SPIRE2: variants seen among roughly 807,000 people sequenced by gnomAD.
The protein encoded by SPIRE2 is protein spire homolog 2.
A neutral mutation model predicts 80.7 loss-of-function variants in SPIRE2; 76 were observed. That is an observed-to-expected ratio of 0.94 (90% CI 0.78 to 1.14). SPIRE2 has a LOEUF of 1.14. SPIRE2 is among the 50% of genes most tolerant of loss of function. SPIRE2 has a pLI of 0.00. For missense variants in SPIRE2, 1,196 were observed against 1,015.3 expected, an observed-to-expected ratio of 1.18 and a Z score of -2.42; for synonymous variants, 535 against 432.6, an observed-to-expected ratio of 1.24 and a Z score of -2.94.
chr16:89,868,086 G>A (rs1305080047), intron 12 of SPIRE2, 103 bp from the exon 13 acceptor site: 7 of 1,266,730 alleles, frequency 5.5e-6, no homozygotes, highest in Non-Finnish European at 8.1e-6. Context: ...CAGAAGGCAA[G>A]GATGGTTTGA....
rs1161145983 is a variant in SPIRE2 at position 89,863,482 on chromosome 16, A to G, written c.1582A>G (p.Ser528Gly). The change falls in exon 11 of 15, where the codon AGC (serine) becomes GGC (glycine). Residue 528 changes from serine (S) to glycine (G), a missense_variant. Transcript: ENST00000378247. This position sits in a 1 kb window ranked among gnomAD's most constrained non-coding sequence, Gnocchi z 4.3. ...ACCTGAGGCCGTCCCCTAGGAGTTC[A>G]GCCACCCCGTGGAGAGCCTGGCGCT... Reference protein sequence around the residue: ...PDAKHLWLEFSHPVESLALTV... With the variant: ...PDAKHLWLEFGHPVESLALTV... 1.9e-6 allele frequency: 3 copies of G among 1,614,034 alleles called. No homozygotes were observed. The highest frequency in any genetic ancestry group is 1.1e-5 in the South Asian group (1 of 91,086).
At chr16:89,857,881 CTTT>C (rs774655599) in intron 7 of SPIRE2, among the ~76,000 whole-genome samples, 2 of 107,212 alleles carry the variant, frequency 1.9e-5, no homozygotes, top group Non-Finnish European at 1.8e-5. Context: ...AGTTCTTCTT[CTTT>C]TTTTTTTTTT....
intron 9 of SPIRE2, among the ~76,000 whole-genome samples, chr16:89,859,806 G>C (rs2041726691): frequency 2.0e-5 from 3 of 152,236 alleles, no homozygotes; most frequent in South Asian, 4.2e-4. Context: ...GCTGTGCAGG[G>C]CTGGTCCTAC....
chr16:89,835,790 C>T (rs1242258132), intron 1 of SPIRE2, among the ~76,000 whole-genome samples: 1 of 152,214 alleles, frequency 6.6e-6, no homozygotes. Flanking sequence ...CGCCTGGCTT[C>T]TCTGTCCTCC....
chr16:89,870,335 C>G lies in SPIRE2; in HGVS notation c.*63C>G. The G allele has an allele frequency of 1.0e-6, 1 of 995,604 alleles. No individual in the cohort carries two copies. Among genetic ancestry groups the G allele is most frequent in the Non-Finnish European group, 1.5e-6 (1 of 652,418 alleles). The allele number at this position is 995,604 out of a possible 1,614,324, so 61.7% of individuals were successfully genotyped here. A position where few individuals can be genotyped will look rare whatever the true frequency, so the allele number is the denominator to read the frequency against. On this transcript the variant is annotated 3_prime_UTR_variant, in exon 15 of 15. Transcript: ENST00000378247. ...AGGCCCTGTATCAGGCTAGGACGCTCTGAGCTGTGCATGTACATATATACA... is the reference window on the plus strand; with the variant it reads ...AGGCCCTGTATCAGGCTAGGACGCTGTGAGCTGTGCATGTACATATATACA...
chr16:89,834,877 C>T (rs1487691866), intron 1 of SPIRE2, among the ~76,000 whole-genome samples: 5 of 145,636 alleles, frequency 3.4e-5, no homozygotes, highest in African/African-American at 5.1e-5. Flanking sequence ...TGAACCTGCC[C>T]GCACTCGCAG....
At position 89,854,668 on chromosome 16, in the gene SPIRE2, C is replaced by G. The variant is rs566744170; in HGVS notation, c.891+17C>G. The G allele has an allele frequency of 1.2e-5, 19 of 1,605,602 alleles. No homozygotes were observed. In the South Asian group the frequency reaches 1.9e-4, roughly 16 times the overall value. ...AAGGTCATGGTGAGCGGGGCAGACG[C>G]AGAGGGGCAGCCTGGATGCAGAGGT... On this transcript the variant is annotated intron_variant, in intron 5 of 14. Transcript: ENST00000378247.
chr16:89,858,833 C>T (rs996627873), intron 8 of SPIRE2, among the ~76,000 whole-genome samples: 10 of 152,180 alleles, frequency 6.6e-5, no homozygotes, highest in Non-Finnish European at 1.3e-4. Context: ...GTGGACCCAG[C>T]GAGGCTCCCT....
At chr16:89,851,485 A>T (rs2041627347) in intron 3 of SPIRE2, among the ~76,000 whole-genome samples, 1 of 152,112 alleles carries the variant, frequency 6.6e-6, no homozygotes, top group South Asian at 2.1e-4. Context: ...TTGACAGATG[A>T]GCAAGTGCAG....
rs764492058 is a variant in SPIRE2 at position 89,863,810 on chromosome 16, G to C, written c.1727G>C (p.Arg576Pro). The C allele has an allele frequency of 1.9e-6, 3 of 1,613,902 alleles. No individual in the cohort carries two copies. The highest frequency in any genetic ancestry group is 2.5e-6 in the Non-Finnish European group (3 of 1,179,976). The change falls in exon 12 of 15, where the codon CGG (arginine) becomes CCG (proline). Residue 576 changes from arginine to proline, a missense_variant. Coordinates refer to ENST00000378247, the MANE Select transcript of SPIRE2 (RefSeq NM_032451.2). This position sits in a 1 kb window ranked among gnomAD's most constrained non-coding sequence, Gnocchi z 4.3. ...LKKGKICCCC[R>P]AKFPLFSWPP... The stretch of plus-strand genomic sequence containing the variant: ...TCCTGACAGATTTGCTGCTGCTGCC[G>C]GGCCAAGTTCCCGCTGTTCTCGTGG...
intron 1 of SPIRE2, among the ~76,000 whole-genome samples, chr16:89,837,052 A>G (rs2041456977): frequency 6.6e-6 from 1 of 152,090 alleles, no homozygotes; most frequent in Non-Finnish European, 1.5e-5. Flanking sequence ...TGCAGGCCCC[A>G]GGAATCTGTG....
Position 89,840,636 on chromosome 16 carries a change from A to T in SPIRE2, c.245-4686A>T, listed in dbSNP as rs867195006. 4.5e-3 allele frequency among the ~76,000 whole-genome samples: 522 copies of T among 116,878 alleles called. 9 individuals carry two copies. The highest frequency in any genetic ancestry group is 0.017 in the African/African-American group (495 of 28,950). 76.7% of individuals were successfully genotyped at this position (116,878 alleles called of 152,430 possible). On this transcript the variant is annotated intron_variant, in intron 1 of 14. Coordinates refer to ENST00000378247, the MANE Select transcript of SPIRE2 (RefSeq NM_032451.2). ...TTGCATAAAAATAAAAAGTTTTCAA[A>T]TTTTTTTTTTTTTTTTTTTGAGATG... is the stretch of plus-strand genomic sequence containing the variant.
In SPIRE2 at chr16:89,856,118, T is replaced by C; in HGVS notation, c.984T>C (p.Ser328=). ...GTCTCGCTTCCCCACCGCAGGTCTCTGAGAGGCGGCTGCGCCCGTTGCCAC... is the reference window on the plus strand; with the variant it reads ...GTCTCGCTTCCCCACCGCAGGTCTCCGAGAGGCGGCTGCGCCCGTTGCCAC... ...IRSRPPLKQV[S]ERRLRPLPPK... The change falls in exon 7 of 15, where the codon TCT becomes TCC. Residue 328 remains serine (S), a synonymous_variant. Coordinates refer to ENST00000378247, the MANE Select transcript of SPIRE2 (RefSeq NM_032451.2). The C allele has an allele frequency of 6.2e-7, 1 of 1,611,582 alleles. No homozygotes were observed.
chr16:89,836,304 C>G, intron 1 of SPIRE2: 1 of 455,360 alleles, frequency 2.2e-6, no homozygotes. Flanking sequence ...TCGGTACATG[C>G]TCACAGGTTC....
rs2041830021 is a variant in SPIRE2 at position 89,870,393 on chromosome 16, T to C, written c.*121T>C. ...ATACATTTATAATATATACACACAG[T>C]CTATATATTTATATACACTGTTTCC... On this transcript the variant is annotated 3_prime_UTR_variant, in exon 15 of 15. Transcript: ENST00000378247. 1.1e-5 allele frequency: 7 copies of C among 630,092 alleles called. No individual in the cohort carries two copies. Among genetic ancestry groups the C allele is most frequent in the African/African-American group, 3.7e-5 (2 of 54,672 alleles). 39.0% of individuals were successfully genotyped at this position (630,092 alleles called of 1,614,324 possible).
At chr16:89,840,468 T>C (rs113715290) in intron 1 of SPIRE2, among the ~76,000 whole-genome samples, 2,525 of 148,102 alleles carry the variant, frequency 0.017, 58 homozygotes, top group African/African-American at 0.051. Flanking sequence ...CCAGGATGGT[T>C]TCGATCTCCT....
At chr16:89,847,935 G>C (rs1165428607) in intron 2 of SPIRE2, among the ~76,000 whole-genome samples, 2 of 152,182 alleles carry the variant, frequency 1.3e-5, no homozygotes, top group Admixed American at 6.5e-5. Flanking sequence ...GAGGGGCTGG[G>C]TGCTGCTGTG....
rs1302510580 is a variant in SPIRE2 at position 89,863,533 on chromosome 16, C to T, written c.1633C>T (p.Arg545Cys). The T allele has an allele frequency of 6.8e-6, 11 of 1,613,894 alleles. No individual in the cohort carries two copies. Among genetic ancestry groups the T allele is most frequent in the Admixed American group, 1.7e-5 (1 of 59,992 alleles). ...GACTGTGGAAGAGGTGATGGACGTG[C>T]GCCGTGTGCTGGTGAAGGCCGAGAT... is the stretch of plus-strand genomic sequence containing the variant. ...ALTVEEVMDVRRVLVKAEMEK... is the reference protein window; with the variant it reads ...ALTVEEVMDVCRVLVKAEMEK... The change falls in exon 11 of 15, where the codon CGC (arginine) becomes TGC (cysteine). Residue 545 changes from arginine to cysteine, a missense_variant. Coordinates refer to ENST00000378247, the MANE Select transcript of SPIRE2 (RefSeq NM_032451.2). This position sits in a 1 kb window ranked among gnomAD's most constrained non-coding sequence, Gnocchi z 4.3.
intron 3 of SPIRE2, among the ~76,000 whole-genome samples, chr16:89,852,072 C>T (rs1392760948): frequency 8.4e-6 from 1 of 118,718 alleles, no homozygotes; most frequent in African/African-American, 3.3e-5. Flanking sequence ...CCCGCCAGAT[C>T]CCCTGGCCCA....
Sources: gnomAD v4.1 joint callset for allele counts (sites outside exome capture counted in the v4.1 genomes callset) on GRCh38, gnomAD v4.1.1 for gene constraint, Gnocchi (gnomAD v3.1) non-coding constraint, MANE v1.5 for transcripts, NCBI Gene and HGNC (gene_info 2026-07-23, HGNC 2026-07-21) for gene names.